The following PDE1C variants were observed in gnomAD, a reference collection of about 807,000 sequenced individuals.
PDE1C encodes phosphodiesterase 1C.
A neutral mutation model predicts 93.1 loss-of-function variants in PDE1C; 62 were observed. The ratio of observed to expected loss-of-function variants is 0.67; its 90% confidence interval spans 0.54 to 0.82. The LOEUF (loss-of-function observed/expected upper bound fraction) is 0.82. Ranked by LOEUF, PDE1C falls within the 40% of genes least tolerant of loss-of-function variation. PDE1C has a pLI of 0.00. For missense variants in PDE1C, 742 were observed against 884.6 expected (o/e 0.84, Z 2.04); for synonymous variants, 325 against 310.1 (o/e 1.05, Z -0.50).
chr7:31,669,488 C>G, the PDE1C span, among the ~76,000 whole-genome samples: 6 of 152,286 alleles, frequency 3.9e-5, no homozygotes, highest in Non-Finnish European at 8.8e-5. Context: ...CTTTTCCCTT[C>G]AAAAAGCACT....
intron 3 of PDE1C, among the ~76,000 whole-genome samples, chr7:32,148,259 T>C (rs1334279495): frequency 2.0e-5 from 3 of 152,138 alleles, no homozygotes; most frequent in Non-Finnish European, 4.4e-5. Flanking sequence ...GTGGCCACAT[T>C]TTAAAAAGCA....
At chr7:31,822,643 T>A (rs1789114469) in intron 14 of PDE1C, among the ~76,000 whole-genome samples, 3 of 152,126 alleles carry the variant, frequency 2.0e-5, no homozygotes, top group African/African-American at 4.8e-5. Flanking sequence ...TAAAAATGCC[T>A]GTAAGAAAAT....
the PDE1C span, among the ~76,000 whole-genome samples, chr7:31,705,207 G>A: frequency 4.6e-5 from 7 of 152,184 alleles, no homozygotes; most frequent in East Asian, 5.8e-4. Flanking sequence ...GAACTTTTGG[G>A]GAGTCAGCAA....
At chr7:31,862,332 C>T (rs1342069011) in intron 7 of PDE1C, among the ~76,000 whole-genome samples, 1 of 152,150 alleles carries the variant, frequency 6.6e-6, no homozygotes, top group Admixed American at 6.6e-5. Flanking sequence ...CTTAACTTGT[C>T]CATTATCTTA....
intron 1 of PDE1C, among the ~76,000 whole-genome samples, chr7:32,247,997 T>C (rs967633256): frequency 1.3e-5 from 2 of 152,182 alleles, no homozygotes; most frequent in Non-Finnish European, 1.5e-5. Flanking sequence ...TTCATAAACA[T>C]TTCCAAAGTG....
chr7:32,071,069 C>T (rs947267251), upstream of PDE1C: 4 of 985,346 alleles, frequency 4.1e-6, no homozygotes, highest in African/African-American at 3.5e-5. Flanking sequence ...ACCGCGGGCG[C>T]GGAGGGAGGG....
chr7:31,753,916 A>G (rs7811165), intron 17 of PDE1C, among the ~76,000 whole-genome samples: 5,814 of 152,322 alleles, frequency 0.038, 164 homozygotes, highest in African/African-American at 0.079. Context: ...AGCATTTAGC[A>G]TTGTATGTAA....
intron 1 of PDE1C, among the ~76,000 whole-genome samples, chr7:32,412,933 T>C (rs215745): frequency 0.74 from 112,557 of 151,990 alleles, 42,221 homozygotes; most frequent in African/African-American, 0.85. Flanking sequence ...ATAGTCATTA[T>C]ACCTAGGGAT....
At chr7:31,789,708 T>C in intron 16 of PDE1C, 10 of 985,524 alleles carry the variant, frequency 1.0e-5, no homozygotes, top group Non-Finnish European at 1.2e-5. Context: ...CAAATGTTCC[T>C]GACTCAGGAA....
rs145054310 is a variant in PDE1C at position 32,227,838 on chromosome 7, G to A, written c.86-18299C>T. ...TCTAGTGGGGAGACCAGGCAGCCAT[G>A]CTATAAAGACATGCAAGCAGCCCTG... On this transcript the variant is annotated intron_variant, in intron 1 of 18. Coordinates refer to the PDE1C transcript ENST00000396193. 1.5e-3 allele frequency among the ~76,000 whole-genome samples: 229 copies of A among 152,336 alleles called. 2 individuals are homozygous for A. The highest frequency in any genetic ancestry group is 5.1e-3 in the African/African-American group (211 of 41,586).
In PDE1C at chr7:31,816,076, C is replaced by T. The variant is rs770568107; in HGVS notation, c.1661G>A (p.Ser554Asn). The change falls in exon 15 of 18, where the codon AGC becomes AAC. Residue 554 changes from serine to asparagine, a missense_variant. Ser to Asn is a conservative substitution (Grantham distance 46, BLOSUM62 1). Coordinates refer to ENST00000396191, the MANE Select transcript of PDE1C (RefSeq NM_001191057.4). The part of the protein sequence containing the change: ...EEQQKEMEAK[S>N]QAEEGASGKA... ...GCCAGATGCGCCTTCTTCAGCCTGG[C>T]TTTTGGCTTCCATTTCCTTTTGCTG... 1.2e-6 allele frequency: 2 copies of T among 1,614,036 alleles called. No homozygotes were observed. The highest frequency in any genetic ancestry group is 2.2e-5 in the South Asian group (2 of 91,078).
intron 1 of PDE1C, among the ~76,000 whole-genome samples, chr7:32,381,223 C>T (rs936543962): frequency 1.3e-5 from 2 of 151,746 alleles, no homozygotes; most frequent in African/African-American, 4.8e-5. Context: ...CACTAGTCTT[C>T]TCTAGTCCAA....
chr7:32,237,444 T>C (rs932373580), intron 1 of PDE1C, among the ~76,000 whole-genome samples: 1 of 152,068 alleles, frequency 6.6e-6, no homozygotes, highest in Non-Finnish European at 1.5e-5. Flanking sequence ...TATAAAAGGA[T>C]TACACAATGG....
intron 1 of PDE1C, among the ~76,000 whole-genome samples, chr7:32,348,852 G>T (rs1783903708): frequency 6.6e-6 from 1 of 152,106 alleles, no homozygotes; most frequent in South Asian, 2.1e-4. Context: ...GTTCTGTACA[G>T]GTGAGCTCAC....
chr7:31,799,639 T>A (rs1252893320), intron 16 of PDE1C, among the ~76,000 whole-genome samples: 1 of 151,668 alleles, frequency 6.6e-6, no homozygotes, highest in East Asian at 1.9e-4. Flanking sequence ...CAAGTCAAGG[T>A]CATGAGACAA....
intron 1 of PDE1C, among the ~76,000 whole-genome samples, chr7:32,255,658 A>C (rs2128877681): frequency 6.6e-6 from 1 of 152,366 alleles, no homozygotes; most frequent in African/African-American, 2.4e-5. Flanking sequence ...AGGTTTGGAA[A>C]GCTTCACCAA....
chr7:32,081,896 T>A (rs542273499), intron 3 of PDE1C, among the ~76,000 whole-genome samples: 2 of 152,166 alleles, frequency 1.3e-5, no homozygotes, highest in Non-Finnish European at 2.9e-5. Flanking sequence ...GACAGCCAAA[T>A]AGGAACAGCT....
intron 16 of PDE1C, among the ~76,000 whole-genome samples, chr7:31,783,331 T>A (rs1783586283): frequency 6.6e-6 from 1 of 152,148 alleles, no homozygotes; most frequent in Non-Finnish European, 1.5e-5. Flanking sequence ...CGTGATATAG[T>A]CATACTCTGT....
At chr7:32,213,449 G>A (rs920496367) in intron 1 of PDE1C, among the ~76,000 whole-genome samples, 2 of 152,150 alleles carry the variant, frequency 1.3e-5, no homozygotes, top group African/African-American at 4.8e-5. Context: ...CTCTTAAAGG[G>A]CTTAAAGACT....
Sources: gnomAD v4.1 joint callset for allele counts (sites outside exome capture counted in the v4.1 genomes callset) on GRCh38, gnomAD v4.1.1 for gene constraint, MANE v1.5 for transcripts, NCBI Gene and HGNC (gene_info 2026-07-23, HGNC 2026-07-21) for gene names.